The following ST8SIA5 variants were observed in gnomAD, a reference collection of about 807,000 sequenced individuals.
ST8SIA5 encodes the protein ST8 alpha-N-acetyl-neuraminide alpha-2,8-sialyltransferase 5.
ST8SIA5 carries 24 observed loss-of-function variants against 40.2 expected under a neutral mutation model. The observed-to-expected ratio is 0.60, with a 90% CI of 0.43 to 0.84. The LOEUF (loss-of-function observed/expected upper bound fraction) is 0.84, where lower values mean the gene tolerates loss of function less well. Among genes scored for constraint, ST8SIA5 ranks in the 40% least tolerant of loss-of-function variants. The probability of loss-of-function intolerance (pLI) is 0.00; values close to 1 mark genes in which losing one functional copy is unlikely to be tolerated. For synonymous variants in ST8SIA5, 198 were observed against 201.8 expected, an observed-to-expected ratio of 0.98 and a Z score of 0.16; for missense variants, 465 against 498.5, an observed-to-expected ratio of 0.93 and a Z score of 0.64.
At chr18:46,701,130 CTTTTTTTTT>C (rs755571106) in intron 2 of ST8SIA5, among the ~76,000 whole-genome samples, 1 of 45,794 alleles carries the variant, frequency 2.2e-5, no homozygotes, top group Non-Finnish European at 3.8e-5. Flanking sequence ...GAGATAGGGC[CTTTTTTTTT>C]TTTTTTTTTT....
chr18:46,684,573 C>T (rs533944345), intron 5 of ST8SIA5, among the ~76,000 whole-genome samples: 31 of 152,266 alleles, frequency 2.0e-4, no homozygotes, highest in Admixed American at 6.5e-4. Flanking sequence ...CTAACTCAAA[C>T]CAGGCTCCCC....
intron 1 of ST8SIA5, among the ~76,000 whole-genome samples, chr18:46,741,124 C>T (rs1236438929): frequency 6.6e-6 from 1 of 151,976 alleles, no homozygotes; most frequent in East Asian, 1.9e-4. Flanking sequence ...AAAATCTGAT[C>T]ATTTTACAGA....
chr18:46,719,682 T>TTTTCTTTCTTTCTTTCTTTC (rs56825204), intron 1 of ST8SIA5, among the ~76,000 whole-genome samples: 4,374 of 107,100 alleles, frequency 0.041, 241 homozygotes, highest in South Asian at 0.053. Flanking sequence ...TTCTTTTCTT[T>TTTTCTTTCTTTCTTTCTTTC]TTTCTTTCTT....
intron 1 of ST8SIA5, among the ~76,000 whole-genome samples, chr18:46,738,335 T>C (rs1017573886): frequency 1.3e-5 from 2 of 150,798 alleles, no homozygotes; most frequent in Admixed American, 6.6e-5. Flanking sequence ...CTGAGAGATA[T>C]CTGAGGAAGG....
intron 1 of ST8SIA5, among the ~76,000 whole-genome samples, chr18:46,718,033 T>C (rs1357331342): frequency 6.6e-6 from 1 of 152,144 alleles, no homozygotes; most frequent in African/African-American, 2.4e-5. Context: ...TATTTGCTGA[T>C]TGAAAATTAT....
In ST8SIA5 at chr18:46,704,676, C is replaced by T. The variant is rs749234520; in HGVS notation, c.132-12G>A. 3.1e-6 allele frequency: 5 copies of T among 1,610,172 alleles called. No homozygotes were observed. In the South Asian group the frequency reaches 3.3e-5, roughly 11 times the overall value. On this transcript the variant is annotated splice_polypyrimidine_tract_variant and intron_variant, in intron 1 of 6. Coordinates refer to ENST00000315087, the MANE Select transcript of ST8SIA5 (RefSeq NM_013305.6). The stretch of plus-strand genomic sequence containing the variant: ...AAAATTCAAAGTACCTGGGGACCAA[C>T]AGAGACAGGTTAAACAGAGAAGCAG...
intron 1 of ST8SIA5, among the ~76,000 whole-genome samples, chr18:46,740,471 A>G (rs2040076893): frequency 6.6e-6 from 1 of 152,240 alleles, no homozygotes; most frequent in Admixed American, 6.5e-5. Flanking sequence ...ACTAGGTATT[A>G]AAAACTGTAA....
intron 1 of ST8SIA5, among the ~76,000 whole-genome samples, chr18:46,713,261 C>T (rs2039751839): frequency 6.6e-6 from 1 of 152,180 alleles, no homozygotes; most frequent in Admixed American, 6.5e-5. Context: ...CAGCAGGATG[C>T]ATTGATAATT....
At chr18:46,745,466 G>A (rs771781049) in intron 1 of ST8SIA5, among the ~76,000 whole-genome samples, 31 of 152,178 alleles carry the variant, frequency 2.0e-4, no homozygotes, top group Non-Finnish European at 4.0e-4. Flanking sequence ...AGAAAACCTA[G>A]TAGAAATGAA....
At chr18:46,739,903 G>A (rs1049447394) in intron 1 of ST8SIA5, among the ~76,000 whole-genome samples, 2 of 152,084 alleles carry the variant, frequency 1.3e-5, no homozygotes, top group East Asian at 3.9e-4. Context: ...CCCCAACTCT[G>A]GGCAAGTATG....
intron 2 of ST8SIA5, among the ~76,000 whole-genome samples, chr18:46,701,521 G>A (rs898281115): frequency 6.6e-6 from 1 of 152,118 alleles, no homozygotes; most frequent in African/African-American, 2.4e-5. Context: ...CTTACAAAGA[G>A]AGATTAGAGC....
chr18:46,719,281 C>A (rs1455389706), intron 1 of ST8SIA5, among the ~76,000 whole-genome samples: 1 of 152,104 alleles, frequency 6.6e-6, no homozygotes, highest in Non-Finnish European at 1.5e-5. Flanking sequence ...CTGCAGGCTC[C>A]CGGCTGATAG....
intron 1 of ST8SIA5, among the ~76,000 whole-genome samples, chr18:46,715,326 C>T: frequency 6.6e-6 from 1 of 152,302 alleles, no homozygotes; most frequent in Non-Finnish European, 1.5e-5. Context: ...CGCACTGCCC[C>T]CAAGGGCTCC....
chr18:46,680,323 T>C lies in ST8SIA5; in HGVS notation c.850A>G (p.Asn284Asp). 1 of 1,614,226 alleles carries C rather than the reference T, an allele frequency of 6.2e-7. No homozygotes were observed. Among genetic ancestry groups the C allele is most frequent in the Non-Finnish European group, 8.5e-7 (1 of 1,180,048 alleles). Residue 284 changes from asparagine (N) to aspartate (D), a missense_variant, in exon 7 of 7, where the codon AAC becomes GAC. Transcript: ENST00000315087. The stretch of plus-strand genomic sequence containing the variant: ...AGGCTGAGCCAGTAGCGCGACACGT[T>C]GACCAGGTACTGCGGATGGAAGTAG... The part of the protein sequence containing the change: ...VYYFHPQYLV[N>D]VSRYWLSLGV...
intron 1 of ST8SIA5, among the ~76,000 whole-genome samples, chr18:46,713,156 C>T (rs1200995856): frequency 1.3e-5 from 2 of 152,060 alleles, no homozygotes; most frequent in Non-Finnish European, 2.9e-5. Context: ...GGAGGGAGAA[C>T]TATTGCAGCA....
intron 2 of ST8SIA5, among the ~76,000 whole-genome samples, chr18:46,698,299 C>T (rs1321068207): frequency 2.6e-5 from 4 of 151,948 alleles, no homozygotes; most frequent in South Asian, 2.1e-4. Context: ...CAACAACCCA[C>T]CACACCAACA....
At chr18:46,715,199 A>G (rs2039774830) in intron 1 of ST8SIA5, among the ~76,000 whole-genome samples, 1 of 152,200 alleles carries the variant, frequency 6.6e-6, no homozygotes, top group South Asian at 2.1e-4. Context: ...CCTTTTCTGC[A>G]GAAGAGAACA....
rs1246502506 is a variant in ST8SIA5, at chr18:46,675,993, C to G, written c.*4049G>C. On this transcript the variant is annotated 3_prime_UTR_variant, in exon 7 of 7. Coordinates refer to ENST00000315087, the MANE Select transcript of ST8SIA5 (RefSeq NM_013305.6). Reference sequence around the variant, plus strand: ...GATCACTTGAACCCAGGTGTCGAGGCTGCAGTGAGCCATATTTATATCACC... The same window carrying G: ...GATCACTTGAACCCAGGTGTCGAGGGTGCAGTGAGCCATATTTATATCACC... 6.6e-6 allele frequency: 1 copy of G among 152,164 alleles called. No individual in the cohort carries two copies. The highest frequency in any genetic ancestry group is 2.4e-5 in the African/African-American group (1 of 41,422). The allele number at this position is 152,164 out of a possible 1,614,324, so 9.4% of individuals were successfully genotyped here.
At chr18:46,716,286 G>A (rs546507644) in intron 1 of ST8SIA5, among the ~76,000 whole-genome samples, 1 of 152,216 alleles carries the variant, frequency 6.6e-6, no homozygotes. Flanking sequence ...AAGGCACCCA[G>A]TATAGTGCCT....
Sources: allele counts gnomAD v4.1 joint callset (sites outside exome capture counted in the v4.1 genomes callset), GRCh38; gene constraint gnomAD v4.1.1; transcripts MANE v1.5; gene names NCBI Gene and HGNC (gene_info 2026-07-23, HGNC 2026-07-21).